Variants in FBXW8 observed in about 807,000 individuals in gnomAD.
The protein encoded by FBXW8 is F-box and WD repeat domain containing 8, also known as F-box/WD repeat-containing protein 8.
Under a neutral mutation model 65.3 loss-of-function variants are expected in FBXW8, and 57 were observed. The ratio of observed to expected loss-of-function variants is 0.87; its 90% CI spans 0.71 to 1.09. The LOEUF (loss-of-function observed/expected upper bound fraction) is 1.09. Ranked by LOEUF, FBXW8 falls within the 50% of genes least tolerant of loss-of-function variation. The pLI is 0.00. For synonymous variants in FBXW8, 308 were observed against 330.2 expected, an observed-to-expected ratio of 0.93 and a Z score of 0.73; for missense variants, 777 against 814.8, an observed-to-expected ratio of 0.95 and a Z score of 0.57.
At chr12:116,935,497 G>C (rs1386857392) in intron 2 of FBXW8, among the ~76,000 whole-genome samples, 2 of 152,198 alleles carry the variant, frequency 1.3e-5, no homozygotes, top group Non-Finnish European at 2.9e-5. Flanking sequence ...CTTGCCGCCA[G>C]ACTTCTCTTA....
At chr12:117,013,273 C>T (rs1592958720) in intron 8 of FBXW8, among the ~76,000 whole-genome samples, 1 of 151,962 alleles carries the variant, frequency 6.6e-6, no homozygotes, top group South Asian at 2.1e-4. Context: ...AAAAAATAAA[C>T]AGAGTCTGAT....
At chr12:117,003,990 T>C (rs1953610730) in intron 7 of FBXW8, among the ~76,000 whole-genome samples, 1 of 152,202 alleles carries the variant, frequency 6.6e-6, no homozygotes, top group African/African-American at 2.4e-5. Flanking sequence ...TTGGCCCTTA[T>C]CTTACTGGAA....
rs1340293025 is a variant in FBXW8, at chr12:117,024,204, G to C, written c.1425G>C (p.Gln475His). 3 of 1,614,096 alleles carry C rather than the reference G, an allele frequency of 1.9e-6. 1 individual carries two copies. Among genetic ancestry groups the C allele is most frequent in the South Asian group, 2.2e-5 (2 of 91,088 alleles). ...TCGCCCTGTCGCTCTCCGCCCATCAGCTCAGGGTCTCTGCTGTGCAGATGG... is the reference window on the plus strand; with the variant it reads ...TCGCCCTGTCGCTCTCCGCCCATCACCTCAGGGTCTCTGCTGTGCAGATGG... ...GNIALSLSAH[Q>H]LRVSAVQMDD... The change falls in exon 9 of 11, where the codon CAG becomes CAC. Residue 475 changes from glutamine to histidine, a missense_variant. By Grantham distance (24) the Gln-to-His change is conservative (BLOSUM62 0). Coordinates refer to ENST00000652555, the MANE Select transcript of FBXW8 (RefSeq NM_153348.3).
chr12:117,023,816 C>A (rs1404427521), intron 8 of FBXW8, among the ~76,000 whole-genome samples: 1 of 152,234 alleles, frequency 6.6e-6, no homozygotes, highest in African/African-American at 2.4e-5. Flanking sequence ...CTGTGCTGGG[C>A]AGTACACCTA....
intron 3 of FBXW8, among the ~76,000 whole-genome samples, chr12:116,947,751 AAAAG>A (rs1883027662): frequency 1.3e-4 from 3 of 23,180 alleles, no homozygotes; most frequent in African/African-American, 1.6e-4. Context: ...AAAAAAAAAA[AAAAG>A]AAAAGAAAGA....
chr12:117,004,367 T>C (rs61288722), intron 7 of FBXW8, among the ~76,000 whole-genome samples: 7,184 of 152,324 alleles, frequency 0.047, 413 homozygotes, highest in African/African-American at 0.13. Flanking sequence ...TCACATATGA[T>C]ATATCACTTC....
intron 8 of FBXW8, among the ~76,000 whole-genome samples, chr12:117,021,884 T>A (rs1353513248): frequency 6.6e-6 from 1 of 152,244 alleles, no homozygotes; most frequent in Non-Finnish European, 1.5e-5. Context: ...ATCCCGTTGC[T>A]TTCGGCTTCC....
At chr12:116,923,251 A>C (rs907231019) in intron 1 of FBXW8, among the ~76,000 whole-genome samples, 5 of 151,836 alleles carry the variant, frequency 3.3e-5, no homozygotes, top group African/African-American at 1.2e-4. Flanking sequence ...AATTCAGGGC[A>C]GTAGGTCTTG....
At chr12:116,994,014 A>G (rs1310160317) in intron 7 of FBXW8, among the ~76,000 whole-genome samples, 1 of 152,218 alleles carries the variant, frequency 6.6e-6, no homozygotes, top group East Asian at 1.9e-4. Flanking sequence ...TTTAAAAACA[A>G]TCCTAAAATT....
intron 8 of FBXW8, among the ~76,000 whole-genome samples, chr12:117,014,274 ATT>A (rs1953895548): frequency 2.6e-5 from 4 of 151,960 alleles, no homozygotes; most frequent in African/African-American, 7.3e-5. Flanking sequence ...AAAAATTTCC[ATT>A]TGTTTCTTTT....
chr12:117,002,228 T>C lies in FBXW8; in HGVS notation c.1240-8095T>C, dbSNP rs543594105. On this transcript the variant is annotated intron_variant, in intron 7 of 10. Transcript: ENST00000652555. ...CGGGGGTTGCAGGTGCATTGGCACG[T>C]GGTGGTGGGGAGCGCACACAGGCCT... is the stretch of plus-strand genomic sequence containing the variant. Among the ~76,000 whole-genome samples, 7 of 152,366 alleles carry C rather than the reference T, an allele frequency of 4.6e-5. No homozygotes were observed. The East Asian group carries it at 5.8e-4, about 13-fold the overall frequency.
chr12:116,976,264 A>G (rs1161218914), intron 5 of FBXW8, among the ~76,000 whole-genome samples: 1 of 151,888 alleles, frequency 6.6e-6, no homozygotes, highest in African/African-American at 2.4e-5. Context: ...GAGGCCTGAG[A>G]TTAGATGGTA....
intron 2 of FBXW8, among the ~76,000 whole-genome samples, chr12:116,944,402 A>G (rs912763816): frequency 3.3e-5 from 5 of 151,904 alleles, no homozygotes; most frequent in Non-Finnish European, 5.9e-5. Flanking sequence ...ACTTTCTCTC[A>G]TTTTCCTTCT....
At chr12:116,933,657 A>G (rs1390695424) in intron 2 of FBXW8, among the ~76,000 whole-genome samples, 1 of 152,232 alleles carries the variant, frequency 6.6e-6, no homozygotes, top group Non-Finnish European at 1.5e-5. Context: ...TCTTAAACAG[A>G]ACCCCGTTAG....
chr12:116,981,803 G>T (rs1194614661), intron 5 of FBXW8, among the ~76,000 whole-genome samples: 1 of 151,996 alleles, frequency 6.6e-6, no homozygotes, highest in African/African-American at 2.4e-5. Context: ...TACTAGAGAC[G>T]GGGTTTCACT....
intron 7 of FBXW8, among the ~76,000 whole-genome samples, chr12:116,990,312 G>A (rs953366902): frequency 1.3e-5 from 2 of 152,090 alleles, no homozygotes; most frequent in African/African-American, 4.8e-5. Context: ...GTTTGGTTGG[G>A]GCATCTCCGT....
intron 2 of FBXW8, among the ~76,000 whole-genome samples, chr12:116,934,706 C>T (rs1268090344): frequency 6.6e-6 from 1 of 152,164 alleles, no homozygotes; most frequent in Non-Finnish European, 1.5e-5. Flanking sequence ...CCCCAGTTTC[C>T]TCCATTGGTA....
chr12:116,913,494 T>A (rs1346833518), intron 1 of FBXW8, among the ~76,000 whole-genome samples: 1 of 152,228 alleles, frequency 6.6e-6, no homozygotes, highest in South Asian at 2.1e-4. Flanking sequence ...TGTAGCATTA[T>A]AATAAAGTAA....
At chr12:116,951,325 GT>G (rs1883269389) in intron 4 of FBXW8, 1 of 152,160 alleles carries the variant, frequency 6.6e-6, no homozygotes, top group African/African-American at 2.4e-5. Context: ...TTATCTGGTG[GT>G]TACGATGCTT....
Sources: allele counts gnomAD v4.1 joint callset (sites outside exome capture counted in the v4.1 genomes callset), GRCh38; gene constraint gnomAD v4.1.1; transcripts MANE v1.5; gene names NCBI Gene and HGNC (gene_info 2026-07-23, HGNC 2026-07-21).